The following TAFA1 variants were observed in gnomAD, a reference collection of about 807,000 sequenced individuals.
TAFA1 encodes chemokine-like protein TAFA-1.
Under a neutral mutation model 18.5 loss-of-function variants are expected in TAFA1, and 4 were observed. The observed-to-expected ratio is 0.22, with a 90% CI of 0.11 to 0.49. The LOEUF is 0.49. Ranked by LOEUF, TAFA1 falls within the 20% of genes least tolerant of loss-of-function variation. The pLI is 0.98. For missense variants in TAFA1, 147 were observed against 169.0 expected, an observed-to-expected ratio of 0.87 and a Z score of 0.72; for synonymous variants, 56 against 55.2, an observed-to-expected ratio of 1.01 and a Z score of -0.06.
chr3:68,031,690 G>T (rs914347954), intron 2 of TAFA1, among the ~76,000 whole-genome samples: 13 of 152,124 alleles, frequency 8.5e-5, no homozygotes, highest in Non-Finnish European at 1.5e-4. Context: ...ATTAATACAT[G>T]AAACAAGCAA....
chr3:68,410,384 A>G (rs886676769), intron 2 of TAFA1, among the ~76,000 whole-genome samples: 32 of 152,246 alleles, frequency 2.1e-4, no homozygotes, highest in African/African-American at 6.7e-4. Flanking sequence ...CATTTAACAC[A>G]TCTAACTTTT....
chr3:68,044,478 GCCTCCAGTCA>G (rs1365743283), intron 2 of TAFA1, among the ~76,000 whole-genome samples: 1 of 152,058 alleles, frequency 6.6e-6, no homozygotes, highest in East Asian at 1.9e-4. Context: ...GGATAATCCT[GCCTCCAGTCA>G]CCTCCCTGAC....
intron 2 of TAFA1, among the ~76,000 whole-genome samples, chr3:68,103,684 A>G (rs2065174035): frequency 6.6e-6 from 1 of 152,122 alleles, no homozygotes; most frequent in Non-Finnish European, 1.5e-5. Context: ...CACCGCTACT[A>G]CCATCACCAC....
At chr3:68,488,388 G>T (rs1559690469) in intron 3 of TAFA1, among the ~76,000 whole-genome samples, 1 of 152,206 alleles carries the variant, frequency 6.6e-6, no homozygotes, top group Admixed American at 6.5e-5. Flanking sequence ...CAGATTGAGG[G>T]TGGGTCTACC....
chr3:68,382,550 G>T (rs1025543570), intron 2 of TAFA1, among the ~76,000 whole-genome samples: 1 of 151,898 alleles, frequency 6.6e-6, no homozygotes, highest in South Asian at 2.1e-4. Context: ...CTTATTTCTG[G>T]GTTCTCTATT....
intron 2 of TAFA1, among the ~76,000 whole-genome samples, chr3:68,333,900 C>T (rs2068924455): frequency 6.6e-6 from 1 of 152,096 alleles, no homozygotes; most frequent in Non-Finnish European, 1.5e-5. Flanking sequence ...ATAAGCCATC[C>T]ACAGCAAGAC....
At chr3:68,155,592 G>A (rs192014385) in intron 2 of TAFA1, among the ~76,000 whole-genome samples, 7 of 152,186 alleles carry the variant, frequency 4.6e-5, no homozygotes, top group Non-Finnish European at 1.0e-4. Flanking sequence ...TGTGGCCCAA[G>A]GGGAAGTGAT....
intron 2 of TAFA1, among the ~76,000 whole-genome samples, chr3:68,123,004 CT>C (rs76838288): frequency 6.6e-6 from 1 of 151,154 alleles, no homozygotes; most frequent in Non-Finnish European, 1.5e-5. Flanking sequence ...AAAAAAAACC[CT>C]TTTTTTTCCA....
At chr3:68,229,979 A>G (rs1425965201) in intron 2 of TAFA1, among the ~76,000 whole-genome samples, 2 of 151,930 alleles carry the variant, frequency 1.3e-5, no homozygotes, top group Non-Finnish European at 2.9e-5. Context: ...TTTATTTTTT[A>G]CTTTTATGGA....
chr3:68,489,576 G>A (rs1317120445), intron 3 of TAFA1, among the ~76,000 whole-genome samples: 2 of 152,088 alleles, frequency 1.3e-5, no homozygotes, highest in Non-Finnish European at 2.9e-5. Context: ...CTCATTTAGG[G>A]TCGTGTTCAA....
At chr3:68,308,730 C>T (rs995690249) in intron 2 of TAFA1, among the ~76,000 whole-genome samples, 14 of 152,060 alleles carry the variant, frequency 9.2e-5, no homozygotes, top group Non-Finnish European at 1.3e-4. Flanking sequence ...TGATCATATG[C>T]TTATTAATGA....
At chr3:67,998,716 T>C in the TAFA1 span, among the ~76,000 whole-genome samples, 11 of 152,322 alleles carry the variant, frequency 7.2e-5, 2 homozygotes, top group South Asian at 1.5e-3. Flanking sequence ...GACACCTGCC[T>C]TAGAATGAAT....
At chr3:68,045,621 T>C (rs1414760308) in intron 2 of TAFA1, among the ~76,000 whole-genome samples, 1 of 152,106 alleles carries the variant, frequency 6.6e-6, no homozygotes, top group Non-Finnish European at 1.5e-5. Context: ...ACTTGAGTCC[T>C]AGTATGGAGC....
At chr3:68,274,515 G>A (rs757485298) in intron 2 of TAFA1, among the ~76,000 whole-genome samples, 9 of 152,178 alleles carry the variant, frequency 5.9e-5, no homozygotes, top group Non-Finnish European at 1.3e-4. Context: ...TGCAAAAATC[G>A]TTCTGCAGCT....
intron 2 of TAFA1, among the ~76,000 whole-genome samples, chr3:68,072,106 G>A (rs559129352): frequency 6.6e-6 from 1 of 152,184 alleles, no homozygotes; most frequent in South Asian, 2.1e-4. Flanking sequence ...ACACTTCCAG[G>A]AACATTGTTA....
chr3:68,255,579 C>T (rs542432763), intron 2 of TAFA1, among the ~76,000 whole-genome samples: 3 of 152,112 alleles, frequency 2.0e-5, no homozygotes, highest in South Asian at 2.1e-4. Context: ...TCTCTATGTC[C>T]GTTCAGGTGA....
At chr3:68,019,885 A>G (rs75007227) in intron 2 of TAFA1, among the ~76,000 whole-genome samples, 2,676 of 152,328 alleles carry the variant, frequency 0.018, 95 homozygotes, top group African/African-American at 0.062. Context: ...TCTAGCAGAC[A>G]TTGCTGATCA....
chr3:68,022,846 A>T (rs1040251560), intron 2 of TAFA1, among the ~76,000 whole-genome samples: 1 of 141,560 alleles, frequency 7.1e-6, no homozygotes, highest in African/African-American at 2.7e-5. Context: ...TATATATTAT[A>T]TATATATATA....
At chr3:68,219,312 A>C (rs2066701811) in intron 2 of TAFA1, among the ~76,000 whole-genome samples, 1 of 152,210 alleles carries the variant, frequency 6.6e-6, no homozygotes. Context: ...AACCTAGAGC[A>C]GTTAGATCTA....
Sources: allele counts gnomAD v4.1 joint callset (sites outside exome capture counted in the v4.1 genomes callset), GRCh38; gene constraint gnomAD v4.1.1; transcripts MANE v1.5; gene names NCBI Gene and HGNC (gene_info 2026-07-23, HGNC 2026-07-21).